The following RBFOX1 variants were observed in gnomAD, a reference collection of about 807,000 sequenced individuals.
RBFOX1 encodes the protein RNA binding fox-1 homolog 1.
RBFOX1 carries 8 observed loss-of-function variants against 57.7 expected under a neutral mutation model. The ratio of observed to expected loss-of-function variants is 0.14; its 90% CI spans 0.08 to 0.25. The LOEUF (loss-of-function observed/expected upper bound fraction) is 0.25, where lower values mean the gene tolerates loss of function less well. Ranked by LOEUF, RBFOX1 falls within the 10% of genes least tolerant of loss-of-function variation. The pLI, the probability that RBFOX1 is intolerant of heterozygous loss-of-function variation, is 1.00. For missense variants in RBFOX1, 611 were observed against 548.5 expected, an observed-to-expected ratio of 1.11 and a Z score of -1.14; for synonymous variants, 326 against 222.4, an observed-to-expected ratio of 1.47 and a Z score of -4.15.
rs898260219 is a variant in RBFOX1 at position 6,229,463 on chromosome 16, C to A, written c.-126-87532C>A. Among the ~76,000 whole-genome samples the A allele has an allele frequency of 5.3e-5, 8 of 152,040 alleles. 1 individual carries two copies. The highest frequency in any genetic ancestry group is 1.7e-4 in the African/African-American group (7 of 41,396). On this transcript the variant is annotated intron_variant, in intron 1 of 15. Transcript: ENST00000550418. ...TGTTCTGTGTGTTTGAATCAAGAAC[C>A]GGCAAAGCCCACAATGATGTTTGTG... is the stretch of plus-strand genomic sequence containing the variant.
rs143400396 is a variant in RBFOX1, at chr16:6,984,942, C to T, written c.-15-67115C>T. On this transcript the variant is annotated intron_variant, in intron 3 of 15. Transcript: ENST00000550418. ...AGGTATGAGACATTGCACCCGGTAC[C>T]TTCTTTACTTACAAATCTACTGTAA... Among the ~76,000 whole-genome samples the T allele has an allele frequency of 7.5e-3, 1,149 of 152,204 alleles. 15 individuals carry two copies. Among genetic ancestry groups the T allele is most frequent in the Non-Finnish European group, 9.7e-3 (658 of 67,998 alleles).
intron 1 of RBFOX1, among the ~76,000 whole-genome samples, chr16:6,107,975 G>T (rs2096402438): frequency 6.6e-6 from 1 of 151,864 alleles, no homozygotes; most frequent in Non-Finnish European, 1.5e-5. Context: ...GATTAGTCTT[G>T]AAAAAAATCC....
chr16:6,967,252 G>C (rs893416835), intron 3 of RBFOX1, among the ~76,000 whole-genome samples: 5 of 151,876 alleles, frequency 3.3e-5, no homozygotes, highest in Admixed American at 1.3e-4. Context: ...TCTACCATCT[G>C]TCTGTCTGTA....
chr16:5,516,497 T>C (rs2043797398), intron 2 of RBFOX1, among the ~76,000 whole-genome samples: 1 of 152,262 alleles, frequency 6.6e-6, no homozygotes, highest in Non-Finnish European at 1.5e-5. Flanking sequence ...AGCATAATAA[T>C]GTCCACATTT....
intron 1 of RBFOX1, among the ~76,000 whole-genome samples, chr16:5,295,613 T>A (rs2063647296): frequency 6.6e-6 from 1 of 152,218 alleles, no homozygotes; most frequent in South Asian, 2.1e-4. Flanking sequence ...CTCAGCTTCT[T>A]GCCACGTGGG....
At chr16:7,487,984 ACT>A (rs2065868795) in intron 4 of RBFOX1, among the ~76,000 whole-genome samples, 1 of 151,954 alleles carries the variant, frequency 6.6e-6, no homozygotes, top group South Asian at 2.1e-4. Context: ...TTTCTAATTA[ACT>A]CTGGAGCGTA....
chr16:5,796,547 CA>C (rs199546260), intron 3 of RBFOX1, among the ~76,000 whole-genome samples: 4,543 of 145,036 alleles, frequency 0.031, 91 homozygotes, highest in East Asian at 0.098. Context: ...AGGGCTGTAT[CA>C]GATGGTGTCT....
At chr16:7,616,814 G>A (rs1015615026) in intron 10 of RBFOX1, among the ~76,000 whole-genome samples, 4 of 152,038 alleles carry the variant, frequency 2.6e-5, no homozygotes, top group African/African-American at 7.2e-5. Context: ...TTACAAGTAT[G>A]AGCCACCATG....
At chr16:6,194,951 A>G (rs1371663385) in intron 1 of RBFOX1, among the ~76,000 whole-genome samples, 1 of 152,160 alleles carries the variant, frequency 6.6e-6, no homozygotes, top group African/African-American at 2.4e-5. Flanking sequence ...TAGGAAACCA[A>G]CCCTATTTAA....
chr16:6,341,203 C>G (rs145244827), intron 2 of RBFOX1, among the ~76,000 whole-genome samples: 2 of 152,308 alleles, frequency 1.3e-5, no homozygotes, highest in East Asian at 1.9e-4. Context: ...TCTGAACTCT[C>G]TATGGGAAAG....
chr16:6,200,945 GT>G (rs58118698), intron 1 of RBFOX1, among the ~76,000 whole-genome samples: 103,092 of 135,396 alleles, frequency 0.76, 36,029 homozygotes, highest in Admixed American at 0.8. Flanking sequence ...ACTTAGTGAG[GT>G]TTTTTTTTTT....
intron 3 of RBFOX1, among the ~76,000 whole-genome samples, chr16:6,963,801 CCATTCTCCTGCCT>C: frequency 6.6e-6 from 1 of 150,782 alleles, no homozygotes; most frequent in Non-Finnish European, 1.5e-5. Flanking sequence ...CGGGTTCATG[CCATTCTCCTGCCT>C]CAGCCTCTCG....
intron 2 of RBFOX1, among the ~76,000 whole-genome samples, chr16:6,478,948 A>T (rs2095327380): frequency 6.6e-6 from 1 of 152,214 alleles, no homozygotes; most frequent in African/African-American, 2.4e-5. Flanking sequence ...ATACAAAAAC[A>T]TAAAGTGAGC....
intron 3 of RBFOX1, among the ~76,000 whole-genome samples, chr16:6,767,935 T>TAAGAAG (rs1423679473): frequency 1.6e-3 from 146 of 93,182 alleles, no homozygotes; most frequent in African/African-American, 5.5e-3. Flanking sequence ...ATAATAATAA[T>TAAGAAG]AATAATAATA....
chr16:5,522,182 G>T (rs116067026), intron 2 of RBFOX1, among the ~76,000 whole-genome samples: 1 of 152,208 alleles, frequency 6.6e-6, no homozygotes, highest in Non-Finnish European at 1.5e-5. Context: ...TAAACCCATG[G>T]AGGAATTAAG....
chr16:6,658,292 T>G (rs1265096644), intron 3 of RBFOX1, among the ~76,000 whole-genome samples: 1 of 151,834 alleles, frequency 6.6e-6, no homozygotes, highest in Non-Finnish European at 1.5e-5. Flanking sequence ...TGGATTGCAG[T>G]GGTGTGATCG....
chr16:5,686,752 CAAATG>C (rs746919146), intron 3 of RBFOX1, among the ~76,000 whole-genome samples: 4 of 152,106 alleles, frequency 2.6e-5, no homozygotes, highest in Non-Finnish European at 5.9e-5. Context: ...GTTTAAATAA[CAAATG>C]AAAGTATTTT....
intron 2 of RBFOX1, among the ~76,000 whole-genome samples, chr16:6,365,321 T>G (rs2089388126): frequency 1.4e-5 from 2 of 144,518 alleles, no homozygotes; most frequent in African/African-American, 5.6e-5. Context: ...TTTGGATGGG[T>G]GGATGGGTGG....
intron 2 of RBFOX1, among the ~76,000 whole-genome samples, chr16:5,501,337 A>T (rs550785525): frequency 2.6e-5 from 4 of 151,012 alleles, no homozygotes; most frequent in Non-Finnish European, 4.4e-5. Context: ...AAAAAAAAAA[A>T]AAAAGAAAAA....
Sources: allele counts gnomAD v4.1 joint callset (sites outside exome capture counted in the v4.1 genomes callset), GRCh38; gene constraint gnomAD v4.1.1; transcripts MANE v1.5; gene names NCBI Gene and HGNC (gene_info 2026-07-23, HGNC 2026-07-21).